ELOVL5: variants seen among roughly 807,000 people sequenced by gnomAD.
The protein encoded by ELOVL5 is very long chain fatty acid elongase 5.
Under a neutral mutation model 38.6 loss-of-function variants are expected in ELOVL5, and 8 were observed. The ratio of observed to expected loss-of-function variants is 0.21; its 90% confidence interval spans 0.12 to 0.37. The LOEUF (loss-of-function observed/expected upper bound fraction) is 0.37, where lower values mean the gene tolerates loss of function less well. Ranked by LOEUF, ELOVL5 falls within the 10% of genes least tolerant of loss-of-function variation. The pLI is 1.00. For missense variants in ELOVL5, 280 were observed against 367.8 expected, an observed-to-expected ratio of 0.76 and a Z score of 1.95; for synonymous variants, 127 against 133.7, an observed-to-expected ratio of 0.95 and a Z score of 0.34.
intron 1 of ELOVL5, among the ~76,000 whole-genome samples, chr6:53,342,639 G>A (rs1390505942): frequency 6.6e-6 from 1 of 152,098 alleles, no homozygotes; most frequent in African/African-American, 2.4e-5. Flanking sequence ...AAAATCACAG[G>A]TATATTTCAA....
At chr6:53,328,994 C>T (rs1003311696) in intron 1 of ELOVL5, among the ~76,000 whole-genome samples, 5 of 152,110 alleles carry the variant, frequency 3.3e-5, no homozygotes, top group African/African-American at 1.2e-4. Context: ...ATAAAAAGAC[C>T]AAAACCAGCC....
chr6:53,284,087 C>T (rs1021493403), intron 3 of ELOVL5, among the ~76,000 whole-genome samples: 4 of 151,752 alleles, frequency 2.6e-5, no homozygotes, highest in Non-Finnish European at 4.4e-5. Flanking sequence ...GGGAGGACTG[C>T]CAGAGCCCAG....
At chr6:53,329,928 G>A (rs1179071844) in intron 1 of ELOVL5, among the ~76,000 whole-genome samples, 5 of 152,166 alleles carry the variant, frequency 3.3e-5, no homozygotes, top group African/African-American at 4.8e-5. Flanking sequence ...TCTTCTGTAC[G>A]ATTTTATTTC....
At chr6:53,270,133 T>G (rs1416740570) in intron 7 of ELOVL5, among the ~76,000 whole-genome samples, 2 of 152,208 alleles carry the variant, frequency 1.3e-5, no homozygotes, top group Non-Finnish European at 2.9e-5. Context: ...CCACATCATA[T>G]GCTTAGGAAT....
chr6:53,336,181 G>A (rs777955504), intron 1 of ELOVL5, among the ~76,000 whole-genome samples: 1 of 152,184 alleles, frequency 6.6e-6, no homozygotes, highest in Non-Finnish European at 1.5e-5. Flanking sequence ...ACTGGTAACT[G>A]TATTGTCACG....
chr6:53,325,971 G>A (rs1768525028), intron 1 of ELOVL5, among the ~76,000 whole-genome samples: 1 of 152,178 alleles, frequency 6.6e-6, no homozygotes, highest in African/African-American at 2.4e-5. Flanking sequence ...GAGCATCAGG[G>A]AAGACTTCAT....
intron 1 of ELOVL5, among the ~76,000 whole-genome samples, chr6:53,325,935 T>C (rs1322598248): frequency 6.6e-6 from 1 of 152,200 alleles, no homozygotes; most frequent in Non-Finnish European, 1.5e-5. Flanking sequence ...TCCATAAATA[T>C]TTGTTAAATG....
At chr6:53,315,272 T>C (rs548961629) in intron 1 of ELOVL5, among the ~76,000 whole-genome samples, 2 of 152,244 alleles carry the variant, frequency 1.3e-5, no homozygotes, top group Admixed American at 1.3e-4. Context: ...GATCCCATCA[T>C]AGGGACTCCA....
chr6:53,290,853 T>C (rs1427820126), intron 3 of ELOVL5, among the ~76,000 whole-genome samples: 1 of 152,164 alleles, frequency 6.6e-6, no homozygotes, highest in Non-Finnish European at 1.5e-5. Flanking sequence ...ATCTCTCCTC[T>C]TCCTCCCACC....
intron 1 of ELOVL5, among the ~76,000 whole-genome samples, chr6:53,322,345 G>A (rs927815050): frequency 3.3e-5 from 5 of 152,096 alleles, no homozygotes; most frequent in Admixed American, 1.3e-4. Flanking sequence ...ACAACGTTTC[G>A]CAGAAGACAG....
At chr6:53,285,339 T>C (rs1010334276) in intron 3 of ELOVL5, among the ~76,000 whole-genome samples, 1 of 152,166 alleles carries the variant, frequency 6.6e-6, no homozygotes, top group Non-Finnish European at 1.5e-5. Context: ...CAAAATCTAA[T>C]CCAGAGCAAG....
At chr6:53,288,779 C>T (rs1211774142) in intron 3 of ELOVL5, among the ~76,000 whole-genome samples, 1 of 152,100 alleles carries the variant, frequency 6.6e-6, no homozygotes, top group Non-Finnish European at 1.5e-5. Flanking sequence ...AGACTTCTTC[C>T]TATTGGCCAG....
rs1296848801 is a variant in ELOVL5, at chr6:53,268,184, C to T, written c.*943G>A. On this transcript the variant is annotated 3_prime_UTR_variant, in exon 8 of 8. Transcript: ENST00000304434. The stretch of plus-strand genomic sequence containing the variant: ...AAATCAATCCAAATTTAGACCCTGG[C>T]AACCAGTTCCCCATTGCTCATCTAC... 6.6e-6 allele frequency: 1 copy of T among 152,124 alleles called. No individual in the cohort carries two copies. Among genetic ancestry groups the T allele is most frequent in the Non-Finnish European group, 1.5e-5 (1 of 68,030 alleles). The allele number at this position is 152,124 out of a possible 1,614,324, so 9.4% of individuals were successfully genotyped here. A position where few individuals can be genotyped will look rare whatever the true frequency, so the allele number is the denominator to read the frequency against.
chr6:53,330,733 C>A (rs552909506), intron 1 of ELOVL5, among the ~76,000 whole-genome samples: 251 of 152,074 alleles, frequency 1.7e-3, no homozygotes, highest in South Asian at 3.1e-3. Flanking sequence ...GTAATTAACA[C>A]AACACAAATA....
intron 1 of ELOVL5, among the ~76,000 whole-genome samples, chr6:53,344,308 T>C (rs1769449515): frequency 6.6e-6 from 1 of 152,176 alleles, no homozygotes; most frequent in South Asian, 2.1e-4. Flanking sequence ...TCAAGTCTTA[T>C]CCTGGACACA....
chr6:53,299,234 A>G lies in ELOVL5; in HGVS notation c.-8-3527T>C, dbSNP rs539918222. ...ACCATGCTGTAACAAAATTCAAACA[A>G]AAGTATTCTGAGATCAAACAGGAGG... On this transcript the variant is annotated intron_variant, in intron 1 of 7. Coordinates refer to ENST00000304434, the MANE Select transcript of ELOVL5 (RefSeq NM_021814.5). 3.9e-5 allele frequency among the ~76,000 whole-genome samples: 6 copies of G among 152,378 alleles called. No homozygotes were observed. In the South Asian group the frequency reaches 6.2e-4, roughly 16 times the overall value.
At chr6:53,335,888 A>G (rs577504994) in intron 1 of ELOVL5, among the ~76,000 whole-genome samples, 1 of 152,260 alleles carries the variant, frequency 6.6e-6, no homozygotes, top group East Asian at 1.9e-4. Context: ...TTCTTCTTAC[A>G]TCCTGCTGCT....
At chr6:53,307,421 ATGAGT>A (rs1767625390) in intron 1 of ELOVL5, among the ~76,000 whole-genome samples, 1 of 152,224 alleles carries the variant, frequency 6.6e-6, no homozygotes, top group Non-Finnish European at 1.5e-5. Flanking sequence ...ATGTGATTAA[ATGAGT>A]TAAGATATGT....
At chr6:53,329,698 C>G (rs1300527951) in intron 1 of ELOVL5, among the ~76,000 whole-genome samples, 1 of 152,118 alleles carries the variant, frequency 6.6e-6, no homozygotes, top group Non-Finnish European at 1.5e-5. Flanking sequence ...GTAGTAGGCA[C>G]CTGTAATCCC....
Sources: allele counts gnomAD v4.1 joint callset (sites outside exome capture counted in the v4.1 genomes callset), GRCh38; gene constraint gnomAD v4.1.1; transcripts MANE v1.5; gene names NCBI Gene and HGNC (gene_info 2026-07-23, HGNC 2026-07-21).